PODN: variants seen among roughly 807,000 people sequenced by gnomAD.
The protein encoded by PODN is podocan proteoglycan.
Under a neutral mutation model 52.7 loss-of-function variants are expected in PODN, and 40 were observed. The ratio of observed to expected loss-of-function variants is 0.76; its 90% CI spans 0.59 to 0.99. The LOEUF is 0.99. PODN is among the 50% of genes least tolerant of loss of function. The pLI, the probability that PODN is intolerant of heterozygous loss-of-function variation, is 0.00. For missense variants in PODN, 720 were observed against 815.1 expected (o/e 0.88, Z 1.42); for synonymous variants, 396 against 377.9 (o/e 1.05, Z -0.56).
rs1644118762 is a variant in PODN at position 53,071,593 on chromosome 1, C to T, written c.371C>T (p.Thr124Met). Residue 124 changes from threonine (T) to methionine (M), a missense_variant, in exon 3 of 11, where the codon ACG (threonine) becomes ATG (methionine). Transcript: ENST00000312553. ...CTCTCCCGGCTGCACCGGCTGGAGACGCTGAACCTGCAAAACAACCGCCTG... is the reference window on the plus strand; with the variant it reads ...CTCTCCCGGCTGCACCGGCTGGAGATGCTGAACCTGCAAAACAACCGCCTG... ...EELSRLHRLE[T>M]LNLQNNRLTS... 1.2e-6 allele frequency: 2 copies of T among 1,613,802 alleles called. No homozygotes were observed. Among genetic ancestry groups the T allele is most frequent in the East Asian group, 2.2e-5 (1 of 44,882 alleles).
chr1:53,078,851 T>C lies in PODN; in HGVS notation c.1341T>C (p.Pro447=), dbSNP rs753675737. The part of the protein sequence containing the change: ...LSGNRLHTLP[P]GLPRNVHVLK... ...GCAACCGGCTGCACACGCTGCCACC[T>C]GGGCTGCCTCGAAATGTCCATGTGC... The change falls in exon 8 of 11, where the codon CCT becomes CCC. Residue 447 remains proline, a synonymous_variant. Coordinates refer to ENST00000312553, the MANE Select transcript of PODN (RefSeq NM_153703.5). 1 of 1,612,776 alleles carries C rather than the reference T, an allele frequency of 6.2e-7. No individual in the cohort carries two copies. Among genetic ancestry groups the C allele is most frequent in the Non-Finnish European group, 8.5e-7 (1 of 1,179,690 alleles).
chr1:53,071,459 C>T (rs1000042608), intron 2 of PODN, 76 bp from the exon 3 acceptor site: 2 of 1,227,894 alleles, frequency 1.6e-6, no homozygotes, highest in Non-Finnish European at 2.3e-6. Context: ...AGGACTGGAG[C>T]TATGGGTAGG....
chr1:53,070,679 C>A (rs1424913082), intron 2 of PODN, among the ~76,000 whole-genome samples: 1 of 152,234 alleles, frequency 6.6e-6, no homozygotes, highest in Non-Finnish European at 1.5e-5. Flanking sequence ...CCATCCTCGC[C>A]TTGTGCGGCC....
intron 3 of PODN, among the ~76,000 whole-genome samples, chr1:53,074,101 C>T (rs1324041541): frequency 2.6e-5 from 4 of 152,204 alleles, no homozygotes; most frequent in African/African-American, 4.8e-5. Context: ...AGCCCAGAAA[C>T]GAGAGTCAGA....
At chr1:53,075,498 C>G (rs1644180604) in intron 4 of PODN, among the ~76,000 whole-genome samples, 1 of 152,226 alleles carries the variant, frequency 6.6e-6, no homozygotes, top group Non-Finnish European at 1.5e-5. Flanking sequence ...CTCACTTGCC[C>G]CCCATTCTTG....
At position 53,078,599 on chromosome 1, in the gene PODN, G is replaced by C. The variant is rs62000444; in HGVS notation, c.1089G>C (p.Thr363=). 2.4e-3 allele frequency: 3,949 copies of C among 1,613,038 alleles called. 42 individuals are homozygous for C. The African/African-American group carries it at 0.025, about 10-fold the overall frequency. Residue 363 remains threonine, a synonymous_variant, in exon 8 of 11, where the codon ACG becomes ACC. Coordinates refer to ENST00000312553, the MANE Select transcript of PODN (RefSeq NM_153703.5). ...LAFQGLKRLH[T]VHLYNNALER... is the part of the protein sequence containing the mutation. ...TCCAGGGCCTCAAGCGGTTGCACAC[G>C]GTGCACCTGTACAACAACGCGCTGG...
chr1:53,082,665 C>T (rs1644312519), intron 10 of PODN, among the ~76,000 whole-genome samples: 1 of 152,192 alleles, frequency 6.6e-6, no homozygotes, highest in South Asian at 2.1e-4. Flanking sequence ...ACACAGGCAC[C>T]TACATGTGCA....
Position 53,077,736 on chromosome 1 carries a change from C to G in PODN, c.790C>G (p.Leu264Val). ...GGGGGCCTTCAGCGAGCTGAGCAGC[C>G]TGCGCGAGCTATACCTGCAGAACAA... is the stretch of plus-strand genomic sequence containing the variant. ...PPGAFSELSS[L>V]RELYLQNNYL... is the part of the protein sequence containing the mutation. The change falls in exon 7 of 11, where the codon CTG (leucine) becomes GTG (valine). Residue 264 changes from leucine to valine, a missense_variant. Leu to Val is a conservative substitution (Grantham distance 32). Coordinates refer to ENST00000312553, the MANE Select transcript of PODN (RefSeq NM_153703.5). 1 of 1,613,792 alleles carries G rather than the reference C, an allele frequency of 6.2e-7. No homozygotes were observed. The highest frequency in any genetic ancestry group is 8.5e-7 in the Non-Finnish European group (1 of 1,179,978).
Position 53,062,574 on chromosome 1 carries a change from C to G in PODN, c.-56+266C>G, listed in dbSNP as rs7545063. Among the ~76,000 whole-genome samples the G allele has an allele frequency of 2.4e-3, 364 of 152,302 alleles. 2 individuals are homozygous for G. Among genetic ancestry groups the G allele is most frequent in the African/African-American group, 8.3e-3 (346 of 41,562 alleles). ...CCCCGTCCCCAGGCCCCTCCCGCTG[C>G]GCACATCTGGAAAGAATCTGAGGGC... On this transcript the variant is annotated intron_variant, in intron 1 of 10. Coordinates refer to ENST00000312553, the MANE Select transcript of PODN (RefSeq NM_153703.5).
chr1:53,078,309 G>A (rs548566822), intron 7 of PODN, 56 bp from the exon 8 acceptor site: 42 of 1,506,644 alleles, frequency 2.8e-5, no homozygotes, highest in Non-Finnish European at 3.4e-5. Flanking sequence ...GAATCATGGT[G>A]GAAACGAGCA....
At chr1:53,081,270 G>A (rs1644291383) in intron 9 of PODN, among the ~76,000 whole-genome samples, 1 of 152,216 alleles carries the variant, frequency 6.6e-6, no homozygotes, top group Non-Finnish European at 1.5e-5. Flanking sequence ...TAAGAGATGG[G>A]GATTTGGAGT....
At chr1:53,069,481 G>A (rs893099998) in intron 1 of PODN, among the ~76,000 whole-genome samples, 2 of 152,304 alleles carry the variant, frequency 1.3e-5, no homozygotes, top group East Asian at 1.9e-4. Flanking sequence ...TTCCCACACC[G>A]CCAGTGCCAG....
At chr1:53,075,234 G>C (rs938444757) in intron 4 of PODN, among the ~76,000 whole-genome samples, 1 of 152,146 alleles carries the variant, frequency 6.6e-6, no homozygotes, top group South Asian at 2.1e-4. Flanking sequence ...AGACTCAAAG[G>C]TCTGCCTGCC....
intron 2 of PODN, among the ~76,000 whole-genome samples, chr1:53,070,548 G>A (rs959563041): frequency 2.6e-5 from 4 of 152,250 alleles, no homozygotes; most frequent in African/African-American, 9.6e-5. Flanking sequence ...AGACCTGACA[G>A]AATACTCTGG....
chr1:53,062,429 C>A, intron 1 of PODN, 121 bp downstream of exon 1: 1 of 692,328 alleles, frequency 1.4e-6, no homozygotes, highest in South Asian at 7.4e-5. Flanking sequence ...CCCGCCGCAT[C>A]TCACCCCCTC....
chr1:53,069,664 G>C, intron 1 of PODN, 137 bp from the exon 2 acceptor site: 6 of 1,284,624 alleles, frequency 4.7e-6, no homozygotes, highest in Middle Eastern at 2.7e-4. Flanking sequence ...AGCCTGGTGG[G>C]GGTTGGGCAG....
chr1:53,077,410 C>G (rs894404357), intron 6 of PODN, 64 bp downstream of exon 6: 3 of 1,582,866 alleles, frequency 1.9e-6, no homozygotes, highest in Non-Finnish European at 2.6e-6. Context: ...GGGGCAGGGG[C>G]CTGCAGGGGA....
intron 5 of PODN, 54 bp downstream of exon 5, chr1:53,076,025 G>T (rs1411349550): frequency 5.7e-6 from 8 of 1,414,050 alleles, no homozygotes; most frequent in Non-Finnish European, 7.8e-6. Flanking sequence ...AGGGGCTGAG[G>T]TGGAGGCTGC....
intron 2 of PODN, chr1:53,071,298 G>A: frequency 2.2e-6 from 1 of 457,064 alleles, no homozygotes; most frequent in Middle Eastern, 4.5e-4. Context: ...ATGTCCATGT[G>A]TGGGCTCCCT....
Sources: gnomAD v4.1 joint callset for allele counts (sites outside exome capture counted in the v4.1 genomes callset) on GRCh38, gnomAD v4.1.1 for gene constraint, MANE v1.5 for transcripts, NCBI Gene and HGNC (gene_info 2026-07-23, HGNC 2026-07-21) for gene names.